The following STRADA variants were observed in gnomAD, a reference collection of about 807,000 sequenced individuals.
STRADA encodes STE20-related kinase adapter protein alpha.
A neutral mutation model predicts 55.0 loss-of-function variants in STRADA; 26 were observed. The observed-to-expected ratio is 0.47, with a 90% confidence interval of 0.35 to 0.66. The LOEUF is 0.66. Among genes scored for constraint, STRADA ranks in the 30% least tolerant of loss-of-function variants. STRADA has a pLI of 0.01. For missense variants in STRADA, 443 were observed against 549.7 expected, an observed-to-expected ratio of 0.81 and a Z score of 1.94; for synonymous variants, 197 against 210.9, an observed-to-expected ratio of 0.93 and a Z score of 0.57.
intron 2 of STRADA, chr17:63,727,039 A>G: frequency 3.8e-6 from 1 of 262,098 alleles, no homozygotes; most frequent in East Asian, 8.3e-5. Flanking sequence ...CAATTTGAAA[A>G]CTATTACTGG....
chr17:63,713,284 C>T (rs984535086), intron 6 of STRADA, 122 bp downstream of exon 6: 5 of 1,351,546 alleles, frequency 3.7e-6, no homozygotes, highest in African/African-American at 2.9e-5. Flanking sequence ...CAGGATTCTC[C>T]ACTGAAAGCT....
At chr17:63,705,704 G>A (rs1272373396) in intron 10 of STRADA, 1 of 152,380 alleles carries the variant, frequency 6.6e-6, no homozygotes, top group East Asian at 1.9e-4. Context: ...CAGTCCCCAA[G>A]AAGCACTGCA....
Position 63,710,810 on chromosome 17 carries a change from G to A in STRADA, c.375C>T (p.Phe125=), listed in dbSNP as rs1181872029. 1 of 1,614,224 alleles carries A rather than the reference G, an allele frequency of 6.2e-7. No homozygotes were observed. Among genetic ancestry groups the A allele is most frequent in the Non-Finnish European group, 8.5e-7 (1 of 1,180,040 alleles). Residue 125 remains phenylalanine (F), a synonymous_variant, in exon 7 of 13, where the codon TTC becomes TTT. Coordinates refer to ENST00000336174, the MANE Select transcript of STRADA (RefSeq NM_001003787.4). The part of the protein sequence containing the change: ...LQGELHVSKL[F]NHPNIVPYRA... ...GATATGGCACGATATTGGGATGGTTGAAGAGTTTGGAGACATGCAGCTCGC... is the reference window on the plus strand; with the variant it reads ...GATATGGCACGATATTGGGATGGTTAAAGAGTTTGGAGACATGCAGCTCGC...
At chr17:63,735,349 C>G (rs2038346089) in intron 1 of STRADA, among the ~76,000 whole-genome samples, 1 of 152,138 alleles carries the variant, frequency 6.6e-6, no homozygotes, top group Non-Finnish European at 1.5e-5. Context: ...GAATTGCGTT[C>G]TTGCATCTGT....
chr17:63,707,165 C>T, intron 9 of STRADA, 82 bp downstream of exon 9: 2 of 1,561,332 alleles, frequency 1.3e-6, no homozygotes, highest in South Asian at 1.2e-5. Context: ...AGGTTGAGAG[C>T]CCCCGACTCC....
intron 1 of STRADA, among the ~76,000 whole-genome samples, chr17:63,735,404 A>AT (rs1452561622): frequency 6.6e-6 from 1 of 152,230 alleles, no homozygotes; most frequent in Non-Finnish European, 1.5e-5. Context: ...CTCAACGTTA[A>AT]TAACTCTAAA....
In STRADA at chr17:63,728,397, G is replaced by GT. The variant is rs2037796099; in HGVS notation, c.-29dup. On this transcript the variant is annotated 5_prime_UTR_variant, in exon 2 of 13. Coordinates refer to ENST00000336174, the MANE Select transcript of STRADA (RefSeq NM_001003787.4). ...GTTCCTACTGTGTAGGCCTACTTCAGTTTCAAAAACTTAAACCTAAAAGGA... is the reference window on the plus strand; with the variant it reads ...GTTCCTACTGTGTAGGCCTACTTCAGTTTTCAAAAACTTAAACCTAAAAGGA... 3 of 1,588,712 alleles carry GT rather than the reference G, an allele frequency of 1.9e-6. No homozygotes were observed. The highest frequency in any genetic ancestry group is 2.6e-6 in the Non-Finnish European group (3 of 1,169,590).
At chr17:63,731,864 TCTTTC>T (rs2038080813) in intron 1 of STRADA, among the ~76,000 whole-genome samples, 1 of 152,128 alleles carries the variant, frequency 6.6e-6, no homozygotes, top group Non-Finnish European at 1.5e-5. Flanking sequence ...AAATTTTCTT[TCTTTC>T]TTTTGTTTTT....
intron 1 of STRADA, among the ~76,000 whole-genome samples, chr17:63,740,165 C>T (rs1489216219): frequency 6.7e-5 from 9 of 134,382 alleles, no homozygotes; most frequent in African/African-American, 1.7e-4. Context: ...CACACACACA[C>T]ACACACACAC....
At chr17:63,721,707 C>T (rs1354170188) in intron 4 of STRADA, among the ~76,000 whole-genome samples, 2 of 147,846 alleles carry the variant, frequency 1.4e-5, no homozygotes. Flanking sequence ...GAGTGAGATT[C>T]GGTCTCAAAA....
At chr17:63,705,166 T>C (rs1195545460) in intron 10 of STRADA, 7 of 568,540 alleles carry the variant, frequency 1.2e-5, no homozygotes, top group Non-Finnish European at 2.2e-5. Context: ...CCGCATAAGC[T>C]GTCCAAGCCA....
chr17:63,733,355 C>A (rs202205141), intron 1 of STRADA, among the ~76,000 whole-genome samples: 1 of 150,880 alleles, frequency 6.6e-6, no homozygotes, highest in Admixed American at 6.6e-5. Context: ...AGAATACAAT[C>A]TTTTTTTTTT....
intron 4 of STRADA, among the ~76,000 whole-genome samples, chr17:63,717,443 G>A (rs1231157164): frequency 6.6e-6 from 1 of 152,062 alleles, no homozygotes; most frequent in Non-Finnish European, 1.5e-5. Context: ...AAGTAGCTGG[G>A]ACTACAGGTG....
chr17:63,715,791 C>T (rs2036832326), intron 4 of STRADA, among the ~76,000 whole-genome samples: 1 of 152,122 alleles, frequency 6.6e-6, no homozygotes, highest in African/African-American at 2.4e-5. Flanking sequence ...TAAGATTTGG[C>T]CATATTGTTG....
chr17:63,703,775 T>TGACA (rs765374420), intron 12 of STRADA, 24 bp from the exon 13 acceptor site: 1 of 1,612,306 alleles, frequency 6.2e-7, no homozygotes, highest in Non-Finnish European at 8.5e-7. Context: ...GAGAGGTGGG[T>TGACA]GACAGATCCT....
chr17:63,730,383 T>C lies in STRADA; in HGVS notation c.-44-1970A>G, dbSNP rs141082002. 1.9e-3 allele frequency among the ~76,000 whole-genome samples: 288 copies of C among 151,966 alleles called. 1 individual carries two copies. The highest frequency in any genetic ancestry group is 6.7e-3 in the African/African-American group (279 of 41,462). ...CTGGACTAACTGCTTTTTAGGCCAG[T>C]TGCACTTAGTTGACTTTTTTTTTTT... On this transcript the variant is annotated intron_variant, in intron 1 of 12. Transcript: ENST00000336174.
intron 10 of STRADA, chr17:63,706,247 T>C (rs2036081340): frequency 6.3e-6 from 1 of 159,326 alleles, no homozygotes. Flanking sequence ...TCAGCTGGAA[T>C]GCGGTTAAGA....
chr17:63,736,692 G>A (rs1000904324), intron 1 of STRADA, among the ~76,000 whole-genome samples: 4 of 151,698 alleles, frequency 2.6e-5, no homozygotes, highest in East Asian at 3.9e-4. Flanking sequence ...TGATAGCTAC[G>A]AAGCTGATCA....
intron 8 of STRADA, among the ~76,000 whole-genome samples, chr17:63,709,274 T>A (rs1260477387): frequency 6.6e-6 from 1 of 152,240 alleles, no homozygotes; most frequent in African/African-American, 2.4e-5. Flanking sequence ...CTGGGACTCG[T>A]CCAGCCTCCC....
Sources: gnomAD v4.1 joint callset for allele counts (sites outside exome capture counted in the v4.1 genomes callset) on GRCh38, gnomAD v4.1.1 for gene constraint, MANE v1.5 for transcripts, NCBI Gene and HGNC (gene_info 2026-07-23, HGNC 2026-07-21) for gene names.